MUC4: variants seen among roughly 807,000 people sequenced by gnomAD.
MUC4 encodes mucin-4.
A neutral mutation model predicts 257.9 loss-of-function variants in MUC4; 202 were observed. The observed-to-expected ratio is 0.78, with a 90% CI of 0.70 to 0.88. MUC4 has a LOEUF of 0.88. Among genes scored for constraint, MUC4 ranks in the 40% least tolerant of loss-of-function variants. The probability of loss-of-function intolerance (pLI) is 0.00; values close to 1 mark genes in which losing one functional copy is unlikely to be tolerated. For missense variants in MUC4, 5,976 were observed against 6,513.7 expected (o/e 0.92, Z 2.84); for synonymous variants, 2,351 against 2,757.1 (o/e 0.85, Z 4.62).
chr3:195,767,530 G>GCCACCACCATCACCATCACCATCA (rs1305767868), intron 7 of MUC4, among the ~76,000 whole-genome samples: 3 of 53,584 alleles, frequency 5.6e-5, no homozygotes, highest in African/African-American at 3.4e-4. Context: ...CACCACCATC[G>GCCACCACCATCACCATCACCATCA]CCACCACCAT....
At chr3:195,756,756 G>A (rs970258432) in intron 18 of MUC4, among the ~76,000 whole-genome samples, 3 of 151,764 alleles carry the variant, frequency 2.0e-5, no homozygotes, top group South Asian at 4.2e-4. Context: ...TCCACCTCCC[G>A]GGTGCAAGCG....
chr3:195,749,017 C>G lies in MUC4; in HGVS notation c.15919G>C (p.Gly5307Arg). 1 of 1,609,568 alleles carries G rather than the reference C, an allele frequency of 6.2e-7. No homozygotes were observed. Among genetic ancestry groups the G allele is most frequent in the Non-Finnish European group, 8.5e-7 (1 of 1,177,862 alleles). Residue 5307 changes from glycine (G) to arginine (R), a missense_variant, in exon 24 of 25, where the codon GGC becomes CGC. Physicochemically the swap from Gly to Arg is moderately radical, Grantham distance 125. Coordinates refer to ENST00000463781, the MANE Select transcript of MUC4 (RefSeq NM_018406.7). ...TGGGGGCTGTAGACCAGGTCGTAGC[C>G]CTTGTAGCCATCGCATCTGAAGTAA... is the stretch of plus-strand genomic sequence containing the variant. Reference protein sequence around the residue: ...KAYFRCDGYKGYDLVYSPQSG... With the variant: ...KAYFRCDGYKRYDLVYSPQSG...
intron 1 of MUC4, among the ~76,000 whole-genome samples, chr3:195,801,138 T>C (rs1168076054): frequency 6.6e-6 from 1 of 152,224 alleles, no homozygotes; most frequent in African/African-American, 2.4e-5. Flanking sequence ...CATAGCCTTG[T>C]TCTTGCTGCT....
chr3:195,778,844 C>A lies in MUC4; in HGVS notation c.12736G>T (p.Ala4246Ser). 6.2e-7 allele frequency: 1 copy of A among 1,611,246 alleles called. No homozygotes were observed. The highest frequency in any genetic ancestry group is 8.5e-7 in the Non-Finnish European group (1 of 1,179,296). Residue 4246 changes from alanine (A) to serine (S), a missense_variant, in exon 2 of 25, where the codon GCT (alanine) becomes TCT (serine). Ala to Ser is a moderately conservative substitution (Grantham distance 99). Transcript: ENST00000463781. ...GAGGATACTGTGGAAGCTGAGGTAG[C>A]ACTGCTGACAGCAAGAGGGGTGGCG... ...GHATPLAVSSATSASTVSSDS... is the reference protein window; with the variant it reads ...GHATPLAVSSSTSASTVSSDS...
chr3:195,747,053 C>T lies in MUC4; in HGVS notation c.*123G>A, dbSNP rs1715168331. The T allele has an allele frequency of 1.7e-5, 23 of 1,320,560 alleles. No homozygotes were observed. The highest frequency in any genetic ancestry group is 2.1e-5 in the Non-Finnish European group (20 of 934,846). 81.8% of individuals were successfully genotyped at this position (1,320,560 alleles called of 1,614,324 possible). On this transcript the variant is annotated 3_prime_UTR_variant, in exon 25 of 25. Transcript: ENST00000463781. ...TGTCTTGATTCCCAGTATTCATTCTCCTTGAAGAATCCTGACAGCCTTCAG... is the reference window on the plus strand; with the variant it reads ...TGTCTTGATTCCCAGTATTCATTCTTCTTGAAGAATCCTGACAGCCTTCAG...
intron 1 of MUC4, among the ~76,000 whole-genome samples, chr3:195,792,211 G>A (rs550514905): frequency 2.0e-5 from 3 of 152,142 alleles, no homozygotes; most frequent in South Asian, 2.1e-4. Flanking sequence ...CCTACAAAAT[G>A]AGAAAATTTT....
At chr3:195,778,279 CA>C in intron 3 of MUC4, 23 bp downstream of exon 3, 1 of 1,571,512 alleles carries the variant, frequency 6.4e-7, no homozygotes, top group Non-Finnish European at 8.6e-7. Flanking sequence ...TCAAAAGGCA[CA>C]GGCCTCACCT....
At chr3:195,767,865 A>T (rs1384661644) in intron 7 of MUC4, among the ~76,000 whole-genome samples, 50 of 52,166 alleles carry the variant, frequency 9.6e-4, no homozygotes, top group African/African-American at 2.6e-3. Flanking sequence ...ATCACCCCCA[A>T]CACCACCACC....
chr3:195,788,550 A>C lies in MUC4; in HGVS notation c.3030T>G (p.Pro1010=). 2 of 1,527,662 alleles carry C rather than the reference A, an allele frequency of 1.3e-6. No individual in the cohort carries two copies. Among genetic ancestry groups the C allele is most frequent in the Non-Finnish European group, 1.8e-6 (2 of 1,125,460 alleles). The allele number at this position is 1,527,662 out of a possible 1,614,324, so 94.6% of individuals were successfully genotyped here. Residue 1010 remains proline (P), a synonymous_variant, in exon 2 of 25, where the codon CCT becomes CCG. Coordinates refer to ENST00000463781, the MANE Select transcript of MUC4 (RefSeq NM_018406.7). ...TGGATACTGAGGAAGGGCTGGTGAC[A>C]GGAAGAGGGGTGGCGTGACCTGTGG... ...SVSTGHATPL[P]VTSPSSVSTG... is the part of the protein sequence containing the mutation.
intron 20 of MUC4, 87 bp from the exon 21 acceptor site, chr3:195,752,533 G>A: frequency 1.7e-6 from 2 of 1,151,918 alleles, no homozygotes; most frequent in Non-Finnish European, 2.6e-6. Context: ...CAAGTTGACT[G>A]CTCCATTCCA....
At chr3:195,778,626 G>A (rs1401499870) in intron 2 of MUC4, among the ~76,000 whole-genome samples, 164 bp downstream of exon 2, 2 of 152,194 alleles carry the variant, frequency 1.3e-5, no homozygotes, top group African/African-American at 4.8e-5. Context: ...CGGCACAAAG[G>A]AGGGTGAGCC....
intron 4 of MUC4, among the ~76,000 whole-genome samples, 164 bp downstream of exon 4, chr3:195,774,008 C>T (rs919433943): frequency 4.6e-5 from 7 of 152,250 alleles, no homozygotes; most frequent in Admixed American, 4.6e-4. Context: ...GCCTGGCACC[C>T]TGTGTTCCTC....
chr3:195,780,042 A>C lies in MUC4; in HGVS notation c.11538T>G (p.Pro3846=). The change falls in exon 2 of 25, where the codon CCT becomes CCG. Residue 3846 remains proline (P), a synonymous_variant. Coordinates refer to ENST00000463781, the MANE Select transcript of MUC4 (RefSeq NM_018406.7). ...TGGTGTCACCTGTGGATACTGAGGA[A>C]GGGATGGTGACAGGAAGAGGGGTGG... The part of the protein sequence containing the change: ...GHATPLPVTI[P]SSVSTGDTMP... The C allele has an allele frequency of 2.7e-6, 2 of 735,908 alleles. No individual in the cohort carries two copies. Among genetic ancestry groups the C allele is most frequent in the Non-Finnish European group, 1.7e-6 (1 of 574,732 alleles). 45.6% of individuals were successfully genotyped at this position (735,908 alleles called of 1,614,324 possible).
rs756855636 is a variant in MUC4 at position 195,788,804 on chromosome 3, A to C, written c.2776T>G (p.Ser926Ala). 6.2e-7 allele frequency: 1 copy of C among 1,613,872 alleles called. No homozygotes were observed. The highest frequency in any genetic ancestry group is 8.5e-7 in the Non-Finnish European group (1 of 1,179,846). Reference protein sequence around the residue: ...SRGSDTISLASQATDTFSTVP... With the variant: ...SRGSDTISLAAQATDTFSTVP... ...GTTGAGAAGGTGTCGGTTGCCTGGG[A>C]CGCCAGGCTGATAGTGTCAGACCCT... is the stretch of plus-strand genomic sequence containing the variant. Residue 926 changes from serine (S) to alanine (A), a missense_variant, in exon 2 of 25, where the codon TCC becomes GCC. Ser to Ala is a moderately conservative substitution (Grantham distance 99, BLOSUM62 1). Transcript: ENST00000463781.
chr3:195,810,402 C>T lies in MUC4; in HGVS notation c.82+1334G>A, dbSNP rs1213164446. 6.6e-6 allele frequency: 1 copy of T among 152,668 alleles called. No individual in the cohort carries two copies. Among genetic ancestry groups the T allele is most frequent in the Non-Finnish European group, 1.5e-5 (1 of 68,404 alleles). 9.5% of individuals were successfully genotyped at this position (152,668 alleles called of 1,614,324 possible). On this transcript the variant is annotated intron_variant, in intron 1 of 24. Transcript: ENST00000463781. This position sits in a 1 kb window ranked among gnomAD's most constrained non-coding sequence, Gnocchi z 4.2. Reference sequence around the variant, plus strand: ...TGGACCCCAGACTCTCCCCCAAAGACTCAGACACCCAGAAACACAGAATAA... The same window carrying T: ...TGGACCCCAGACTCTCCCCCAAAGATTCAGACACCCAGAAACACAGAATAA...
At chr3:195,747,862 A>G (rs1158285977) in intron 24 of MUC4, among the ~76,000 whole-genome samples, 2 of 148,700 alleles carry the variant, frequency 1.3e-5, no homozygotes, top group Non-Finnish European at 2.9e-5. Flanking sequence ...CTCCGTCTCA[A>G]AAAACAAAAA....
rs144951099 is a variant in MUC4, at chr3:195,748,944, T to C, written c.15992A>G (p.His5331Arg). Residue 5331 changes from histidine (H) to arginine (R), a missense_variant, in exon 24 of 25, where the codon CAT becomes CGT. Physicochemically the swap from His to Arg is conservative, Grantham distance 29 (BLOSUM62 0). This residue lies in a region of MUC4 where 310 missense variants were observed against 242.1 expected (regional missense o/e 1.28). Transcript: ENST00000463781. ...GGGCAGGTGCTGGCACTGGCCTCCA[T>C]GGTCACAGTAGCCCCTACTGCACGG... ...VSPCSRGYCD[H>R]GGQCQHLPSG... 2.5e-6 allele frequency: 4 copies of C among 1,600,424 alleles called. No individual in the cohort carries two copies. In the African/African-American group the frequency reaches 4.0e-5, roughly 16 times the overall value.
intron 1 of MUC4, among the ~76,000 whole-genome samples, chr3:195,798,457 G>A (rs1021737619): frequency 2.6e-5 from 4 of 152,030 alleles, no homozygotes; most frequent in African/African-American, 9.7e-5. Context: ...TAATCCCAGC[G>A]CTTTGTGAGG....
chr3:195,811,910 G>A lies in MUC4; in HGVS notation c.-93C>T, dbSNP rs921238001. The A allele has an allele frequency of 1.5e-5, 20 of 1,296,856 alleles. No homozygotes were observed. The highest frequency in any genetic ancestry group is 2.9e-5 in the African/African-American group (2 of 68,594). The allele number at this position is 1,296,856 out of a possible 1,614,324, so 80.3% of individuals were successfully genotyped here. ...CAGACGTGAGCCCGTCCCCTCAGGC[G>A]GCTGGCCCGAACCAAGTGCGTTTCT... On this transcript the variant is annotated 5_prime_UTR_variant, in exon 1 of 25. Coordinates refer to ENST00000463781, the MANE Select transcript of MUC4 (RefSeq NM_018406.7).
Sources: allele counts gnomAD v4.1 joint callset (sites outside exome capture counted in the v4.1 genomes callset), GRCh38; gene constraint gnomAD v4.1.1; regional missense constraint gnomAD v4.1.1; non-coding constraint Gnocchi (gnomAD v3.1); transcripts MANE v1.5; gene names NCBI Gene and HGNC (gene_info 2026-07-23, HGNC 2026-07-21).